Variants in SLC26A7 observed in about 807,000 individuals in gnomAD.
The protein encoded by SLC26A7 is anion exchange transporter.
Under a neutral mutation model 82.5 loss-of-function variants are expected in SLC26A7, and 59 were observed. That is an observed-to-expected ratio of 0.72 (90% confidence interval 0.58 to 0.89). The LOEUF is 0.89. Among genes scored for constraint, SLC26A7 ranks in the 40% least tolerant of loss-of-function variants. SLC26A7 has a pLI of 0.00. For missense variants in SLC26A7, 820 were observed against 793.0 expected (o/e 1.03, Z -0.41); for synonymous variants, 271 against 274.3 (o/e 0.99, Z 0.12).
chr8:91,393,995 T>C lies in SLC26A7; in HGVS notation c.1891T>C (p.Phe631Leu). 6.2e-7 allele frequency: 1 copy of C among 1,613,780 alleles called. No homozygotes were observed. The highest frequency in any genetic ancestry group is 8.5e-7 in the Non-Finnish European group (1 of 1,179,698). Residue 631 changes from phenylalanine to leucine, a missense_variant, in exon 18 of 19, where the codon TTT (phenylalanine) becomes CTT (leucine). Transcript: ENST00000276609. ...GNLDSEKPIF[F>L]ESVSAAISHI... ...CCTAGACTCAGAGAAACCAATTTTT[T>C]TTGAATCGGTATCTGCTGCAATAAG...
chr8:91,343,318 T>C (rs1188874453), intron 8 of SLC26A7, 35 bp from the exon 9 acceptor site: 1 of 1,328,532 alleles, frequency 7.5e-7, no homozygotes, highest in Non-Finnish European at 1.1e-6. Context: ...TCTATTGTGA[T>C]TAAGATATTA....
chr8:91,236,458 G>A (rs1810394048), intron 2 of SLC26A7, among the ~76,000 whole-genome samples: 1 of 152,030 alleles, frequency 6.6e-6, no homozygotes, highest in Non-Finnish European at 1.5e-5. Flanking sequence ...ATGTTGTCAA[G>A]TGTGCATCAT....
Position 91,365,598 on chromosome 8 carries a change from A to G in SLC26A7, c.1489-982A>G, listed in dbSNP as rs191315317. Among the ~76,000 whole-genome samples the G allele has an allele frequency of 3.3e-4, 50 of 152,280 alleles. No homozygotes were observed. In the East Asian group the frequency reaches 3.7e-3, roughly 11 times the overall value. On this transcript the variant is annotated intron_variant, in intron 13 of 18. Transcript: ENST00000276609. ...TGTTTTCTTGAGTTATTTGTTGCAA[A>G]TCTCCTCACTTTGCAAAGTTCAATC...
chr8:91,393,160 G>C (rs1808455851), intron 16 of SLC26A7, among the ~76,000 whole-genome samples: 1 of 152,088 alleles, frequency 6.6e-6, no homozygotes, highest in South Asian at 2.1e-4. Context: ...TACTTTTACA[G>C]AAGTTCATAG....
intron 1 of SLC26A7, among the ~76,000 whole-genome samples, chr8:91,212,433 T>G (rs1012170479): frequency 2.6e-5 from 4 of 152,166 alleles, no homozygotes; most frequent in African/African-American, 9.6e-5. Flanking sequence ...GTAATGTAAT[T>G]AAAACTACCC....
intron 2 of SLC26A7, among the ~76,000 whole-genome samples, chr8:91,274,667 G>A (rs190830196): frequency 3.8e-4 from 58 of 152,284 alleles, no homozygotes; most frequent in Middle Eastern, 3.4e-3. Flanking sequence ...ATTTCAACAT[G>A]AATTTGGAAG....
chr8:91,226,229 A>G (rs969089401), intron 2 of SLC26A7, among the ~76,000 whole-genome samples: 1 of 152,150 alleles, frequency 6.6e-6, no homozygotes, highest in Non-Finnish European at 1.5e-5. Context: ...CAAGACATCT[A>G]AAATAGAACC....
At chr8:91,380,221 A>G (rs1814631623) in intron 15 of SLC26A7, among the ~76,000 whole-genome samples, 1 of 152,128 alleles carries the variant, frequency 6.6e-6, no homozygotes, top group Non-Finnish European at 1.5e-5. Context: ...CAAGTTGAGT[A>G]TCACTCATCT....
At chr8:91,360,258 C>T (rs1586452821) in intron 11 of SLC26A7, among the ~76,000 whole-genome samples, 1 of 152,138 alleles carries the variant, frequency 6.6e-6, no homozygotes, top group Non-Finnish European at 1.5e-5. Flanking sequence ...GTATTTTCTA[C>T]AAGGACAAAG....
chr8:91,346,862 T>C (rs1185074876), intron 9 of SLC26A7, among the ~76,000 whole-genome samples: 1 of 152,172 alleles, frequency 6.6e-6, no homozygotes, highest in Non-Finnish European at 1.5e-5. Flanking sequence ...CCCTTTGTCT[T>C]TGAGGCTGCC....
chr8:91,341,259 T>G (rs995622192), intron 8 of SLC26A7, among the ~76,000 whole-genome samples: 3 of 152,118 alleles, frequency 2.0e-5, no homozygotes, highest in Non-Finnish European at 2.9e-5. Flanking sequence ...GTTCTTGCGA[T>G]AGTTTACTGA....
intron 11 of SLC26A7, among the ~76,000 whole-genome samples, chr8:91,362,096 T>C (rs1341476403): frequency 6.6e-6 from 1 of 152,080 alleles, no homozygotes; most frequent in Admixed American, 6.6e-5. Flanking sequence ...ACAGTGTTTG[T>C]TGGGGATTGA....
chr8:91,228,248 A>G (rs1303540272), intron 2 of SLC26A7, among the ~76,000 whole-genome samples: 1 of 152,198 alleles, frequency 6.6e-6, no homozygotes, highest in East Asian at 1.9e-4. Flanking sequence ...GTGAGTGAAG[A>G]TGGTTAATAC....
Position 91,358,478 on chromosome 8 carries a change from C to T in SLC26A7, c.1315-3875C>T, listed in dbSNP as rs571147329. On this transcript the variant is annotated intron_variant, in intron 11 of 18. Transcript: ENST00000276609. The stretch of plus-strand genomic sequence containing the variant: ...CCAAGTAGCTGGGACTACAGGTGCC[C>T]GCCACCAGGCCTGGCTAATTTTTTT... 6.3e-4 allele frequency among the ~76,000 whole-genome samples: 96 copies of T among 151,884 alleles called. 1 individual carries two copies. Among genetic ancestry groups the T allele is most frequent in the South Asian group, 8.3e-4 (4 of 4,812 alleles).
At position 91,397,509 on chromosome 8, in the gene SLC26A7, A is replaced by G. The variant is rs893170515; in HGVS notation, c.*2412A>G. 3 of 152,492 alleles carry G rather than the reference A, an allele frequency of 2.0e-5. No individual in the cohort carries two copies. Among genetic ancestry groups the G allele is most frequent in the Non-Finnish European group, 4.4e-5 (3 of 67,944 alleles). The allele number at this position is 152,492 out of a possible 1,614,324, so 9.4% of individuals were successfully genotyped here. Reference sequence around the variant, plus strand: ...ATAAAATTGGAAAAAATTAAAACTGACCTATAAGAGTGTTAAGGACCTAAT... The same window carrying G: ...ATAAAATTGGAAAAAATTAAAACTGGCCTATAAGAGTGTTAAGGACCTAAT... On this transcript the variant is annotated 3_prime_UTR_variant, in exon 19 of 19. Transcript: ENST00000276609.
rs1813765046 is a variant in SLC26A7 at position 91,353,061 on chromosome 8, T to G, written c.1314+65T>G. On this transcript the variant is annotated intron_variant, in intron 11 of 18. Coordinates refer to ENST00000276609, the MANE Select transcript of SLC26A7 (RefSeq NM_052832.4). Reference sequence around the variant, plus strand: ...TAAGCTTATGTTACCAAATATGCACTAATACTTTTATTTGCAGAAAATAGA... The same window carrying G: ...TAAGCTTATGTTACCAAATATGCACGAATACTTTTATTTGCAGAAAATAGA... 4.8e-6 allele frequency: 5 copies of G among 1,040,234 alleles called. No homozygotes were observed. The Admixed American group carries it at 1.2e-4, about 24-fold the overall frequency. 64.4% of individuals were successfully genotyped at this position (1,040,234 alleles called of 1,614,324 possible).
intron 15 of SLC26A7, among the ~76,000 whole-genome samples, chr8:91,387,523 G>T (rs1414918952): frequency 6.6e-6 from 1 of 152,162 alleles, no homozygotes; most frequent in Admixed American, 6.5e-5. Flanking sequence ...TTAAATGGTT[G>T]AATGGGAGCA....
Position 91,340,467 on chromosome 8 carries a change from A to C in SLC26A7, c.942A>C (p.Gly314=). The C allele has an allele frequency of 6.2e-7, 1 of 1,613,942 alleles. No individual in the cohort carries two copies. ...CTGCGGTGATCACTGAAGCTTTCGG[A>C]GTGGCACTTGTAGGCTATGTGGCCT... is the stretch of plus-strand genomic sequence containing the variant. ...ILSAVITEAF[G]VALVGYVASL... is the part of the protein sequence containing the mutation. Residue 314 remains glycine, a synonymous_variant, in exon 8 of 19, where the codon GGA becomes GGC. Coordinates refer to ENST00000276609, the MANE Select transcript of SLC26A7 (RefSeq NM_052832.4).
Position 91,387,686 on chromosome 8 carries a change from C to G in SLC26A7, c.1676-1652C>G, listed in dbSNP as rs115350293. 5.0e-3 allele frequency among the ~76,000 whole-genome samples: 765 copies of G among 152,302 alleles called. 8 individuals are homozygous for G. The highest frequency in any genetic ancestry group is 0.017 in the African/African-American group (727 of 41,558). On this transcript the variant is annotated intron_variant, in intron 15 of 18. Transcript: ENST00000276609. ...TTGCATTAAGTCTTCCCTGATTACT[C>G]CAAAGAGACTACTCTGTTTTGTAAA...
Sources: gnomAD v4.1 joint callset for allele counts (sites outside exome capture counted in the v4.1 genomes callset) on GRCh38, gnomAD v4.1.1 for gene constraint, MANE v1.5 for transcripts, NCBI Gene and HGNC (gene_info 2026-07-23, HGNC 2026-07-21) for gene names.